The following IRGM variants were observed in gnomAD, a reference collection of about 807,000 sequenced individuals.
The protein encoded by IRGM is immunity related GTPase M.
For synonymous variants in IRGM, 98 were observed against 80.6 expected (o/e 1.22, Z -1.16); for missense variants, 288 against 219.9 (o/e 1.31, Z -1.96).
At chr5:150,900,445 C>G (rs1180685687) in intron 3 of IRGM, 2 of 152,086 alleles carry the variant, frequency 1.3e-5, no homozygotes, top group Admixed American at 1.3e-4. Flanking sequence ...CCTTAGAAAT[C>G]TGGTTGTTCC....
In IRGM at chr5:150,848,665, A is replaced by G. The variant is rs1221079969; in HGVS notation, c.542A>G (p.Tyr181Cys). The G allele has an allele frequency of 3.3e-6, 5 of 1,519,268 alleles. No homozygotes were observed. The highest frequency in any genetic ancestry group is 2.8e-5 in the African/African-American group (2 of 71,912). 94.1% of individuals were successfully genotyped at this position (1,519,268 alleles called of 1,614,324 possible). Reference sequence around the variant, plus strand: ...CTCCAGAAGGAGCGGGTATGTGAATACTAATTCCTGTCTTCATTAAACATT... The same window carrying G: ...CTCCAGAAGGAGCGGGTATGTGAATGCTAATTCCTGTCTTCATTAAACATT... ...ENLQKERVCE[Y>C] is the part of the protein sequence containing the mutation. Residue 181 changes from tyrosine to cysteine, a missense_variant, in exon 2 of 2, where the codon TAC (tyrosine) becomes TGC (cysteine). By Grantham distance (194) the Tyr-to-Cys change is radical. Coordinates refer to ENST00000522154, the MANE Select transcript of IRGM (RefSeq NM_001145805.2).
rs1465563990 is a variant in IRGM, at chr5:150,846,739, T to C, written c.-897T>C. The C allele has an allele frequency of 6.6e-6, 1 of 152,608 alleles. No individual in the cohort carries two copies. The highest frequency in any genetic ancestry group is 1.5e-5 in the Non-Finnish European group (1 of 68,490). The allele number at this position is 152,608 out of a possible 1,614,324, so 9.5% of individuals were successfully genotyped here. ...CTCGCCGCCTGAAGAGCTGTAACTC[T>C]CACTTCGAAGGTCTGCAGCTTCGCT... On this transcript the variant is annotated 5_prime_UTR_variant, in exon 1 of 2. Coordinates refer to ENST00000522154, the MANE Select transcript of IRGM (RefSeq NM_001145805.2).
intron 1 of IRGM, among the ~76,000 whole-genome samples, chr5:150,856,292 A>C (rs1408959887): frequency 6.6e-6 from 1 of 152,056 alleles, no homozygotes; most frequent in Non-Finnish European, 1.5e-5. Flanking sequence ...TTAGCCAGGC[A>C]TGGTGGTGTG....
chr5:150,899,008 A>G (rs1281096095), intron 3 of IRGM, among the ~76,000 whole-genome samples: 2 of 152,092 alleles, frequency 1.3e-5, no homozygotes, highest in African/African-American at 4.8e-5. Flanking sequence ...AACTGAATCC[A>G]ATATGATCTG....
At chr5:150,865,429 T>A (rs1196048066) in intron 1 of IRGM, among the ~76,000 whole-genome samples, 5 of 152,204 alleles carry the variant, frequency 3.3e-5, no homozygotes, top group African/African-American at 1.2e-4. Flanking sequence ...AGGCAAAGAT[T>A]AGTAGAGTGA....
Position 150,848,127 on chromosome 5 carries a change from G to T in IRGM, c.4G>T (p.Glu2Ter), listed in dbSNP as rs1322402828. 6.5e-7 allele frequency: 1 copy of T among 1,540,476 alleles called. No individual in the cohort carries two copies. The highest frequency in any genetic ancestry group is 1.2e-5 in the South Asian group (1 of 82,836). The part of the protein sequence containing the change: M[E>*]AMNVEKASAD... Reference sequence around the variant, plus strand: ...GCATTGGGGTATTTTATTGAAGATGGAAGCCATGAATGTTGAGAAAGCCTC... The same window carrying T: ...GCATTGGGGTATTTTATTGAAGATGTAAGCCATGAATGTTGAGAAAGCCTC... Residue 2 changes from glutamate to a stop codon, truncating the protein, a stop_gained, in exon 2 of 2, where the codon GAA becomes TAA. Transcript: ENST00000522154. LOFTEE classifies it low-confidence loss of function (END_TRUNC).
At position 150,848,363 on chromosome 5, in the gene IRGM, TTCCCACTTTTC is replaced by T; in HGVS notation, c.241_251del (p.Ser81LysfsTer30). 2 of 1,551,826 alleles carry T rather than the reference TTCCCACTTTTC, an allele frequency of 1.3e-6. No homozygotes were observed. The highest frequency in any genetic ancestry group is 4.9e-5 in the East Asian group (2 of 41,052). ...CCCAAAGATGTGCCTCCTATTTCTC[TTCCCACTTTTC>T]AAATGTGGTGTTGTGGGACCTGCCT... is the stretch of plus-strand genomic sequence containing the variant. On this transcript the variant is annotated frameshift_variant, in exon 2 of 2. Transcript: ENST00000522154. LOFTEE classifies it low-confidence loss of function (END_TRUNC).
At chr5:150,849,870 G>T (rs879622290), downstream of IRGM, among the ~76,000 whole-genome samples, 3 of 152,062 alleles carry the variant, frequency 2.0e-5, no homozygotes, top group Non-Finnish European at 4.4e-5. Flanking sequence ...CTTCCAAAGT[G>T]CTGGGATTAC....
At chr5:150,878,570 C>T (rs1223311260) in intron 2 of IRGM, among the ~76,000 whole-genome samples, 2 of 151,972 alleles carry the variant, frequency 1.3e-5, no homozygotes, top group African/African-American at 4.8e-5. Flanking sequence ...TTTTTGAGCT[C>T]ATCACTATGA....
intron 1 of IRGM, among the ~76,000 whole-genome samples, chr5:150,877,756 T>C (rs979973578): frequency 6.6e-6 from 1 of 152,182 alleles, no homozygotes; most frequent in Non-Finnish European, 1.5e-5. Flanking sequence ...GTGACTTCAC[T>C]CTGCAACCTT....
At chr5:150,897,059 T>C (rs1754818014) in intron 3 of IRGM, 7 of 1,057,590 alleles carry the variant, frequency 6.6e-6, no homozygotes, top group Non-Finnish European at 9.4e-6. Flanking sequence ...TGATCCAACA[T>C]AGTAGATGAA....
chr5:150,866,839 C>A (rs567753069), intron 1 of IRGM, among the ~76,000 whole-genome samples: 69 of 152,284 alleles, frequency 4.5e-4, no homozygotes, highest in African/African-American at 1.5e-3. Context: ...CTTTCATATT[C>A]TGATTACCCA....
At chr5:150,896,512 C>A (rs763580745) in intron 3 of IRGM, 11 of 1,613,538 alleles carry the variant, frequency 6.8e-6, no homozygotes, top group Non-Finnish European at 9.3e-6. Context: ...CACTGATTAT[C>A]ATCAAAAGGT....
chr5:150,893,051 T>G (rs1004216814), intron 3 of IRGM, among the ~76,000 whole-genome samples: 7 of 152,160 alleles, frequency 4.6e-5, no homozygotes, highest in African/African-American at 1.7e-4. Flanking sequence ...TTTCAGGCTT[T>G]CTTTTTGCCT....
At chr5:150,853,596 A>T (rs1476585174), downstream of IRGM, among the ~76,000 whole-genome samples, 2 of 152,104 alleles carry the variant, frequency 1.3e-5, no homozygotes, top group Non-Finnish European at 2.9e-5. Context: ...TTTGGTACAT[A>T]TGTTTATAAT....
At chr5:150,849,355 C>T (rs914976026), downstream of IRGM, among the ~76,000 whole-genome samples, 16 of 150,214 alleles carry the variant, frequency 1.1e-4, no homozygotes, top group African/African-American at 1.5e-4. Context: ...CTTTAACTAA[C>T]GAAGGAATAT....
Position 150,898,519 on chromosome 5 carries a change from G to A in IRGM, c.*141-2070G>A, listed in dbSNP as rs781506587. The A allele has an allele frequency of 3.7e-6, 6 of 1,612,792 alleles. No homozygotes were observed. The South Asian group carries it at 6.6e-5, about 18-fold the overall frequency. On this transcript the variant is annotated intron_variant and NMD_transcript_variant, in intron 3 of 3. Transcript: ENST00000520549. Reference sequence around the variant, plus strand: ...CAAGTTGCTGCCACTCCTCCTGGGTGAAATCCACAGCCACATCCTTGAATG... The same window carrying A: ...CAAGTTGCTGCCACTCCTCCTGGGTAAAATCCACAGCCACATCCTTGAATG...
intron 1 of IRGM, among the ~76,000 whole-genome samples, chr5:150,876,289 G>A (rs1455418040): frequency 6.6e-6 from 1 of 152,162 alleles, no homozygotes; most frequent in Non-Finnish European, 1.5e-5. Context: ...GAAATCAAGG[G>A]GTGGAAGTGG....
intron 1 of IRGM, among the ~76,000 whole-genome samples, chr5:150,856,635 G>T (rs1468727943): frequency 1.3e-5 from 2 of 150,724 alleles, no homozygotes; most frequent in Admixed American, 6.6e-5. Context: ...AAATACTGCT[G>T]CAGTTTTTTT....
Sources: allele counts gnomAD v4.1 joint callset (sites outside exome capture counted in the v4.1 genomes callset), GRCh38; gene constraint gnomAD v4.1.1; transcripts MANE v1.5; gene names NCBI Gene and HGNC (gene_info 2026-07-23, HGNC 2026-07-21).